STXBP5: variants seen among roughly 807,000 people sequenced by gnomAD.
STXBP5 encodes syntaxin-binding protein 5.
A neutral mutation model predicts 152.4 loss-of-function variants in STXBP5; 50 were observed. That is an observed-to-expected ratio of 0.33 (90% confidence interval 0.26 to 0.42). The LOEUF (loss-of-function observed/expected upper bound fraction) is 0.42, where lower values mean the gene tolerates loss of function less well. STXBP5 is among the 10% of genes least tolerant of loss of function. STXBP5 has a pLI of 1.00. For missense variants in STXBP5, 1,167 were observed against 1,388.6 expected, an observed-to-expected ratio of 0.84 and a Z score of 2.54; for synonymous variants, 492 against 494.7, an observed-to-expected ratio of 0.99 and a Z score of 0.07.
chr6:147,273,664 C>A lies in STXBP5; in HGVS notation c.715-4417C>A, dbSNP rs182280126. Among the ~76,000 whole-genome samples the A allele has an allele frequency of 1.1e-3, 172 of 151,924 alleles. 1 individual carries two copies. Among genetic ancestry groups the A allele is most frequent in the African/African-American group, 4.0e-3 (164 of 41,460 alleles). ...ACCATCAGAAGCCTTTTAAAAAAAACGTTGATGCCGGGCGTGGTGGCTCAC... is the reference window on the plus strand; with the variant it reads ...ACCATCAGAAGCCTTTTAAAAAAAAAGTTGATGCCGGGCGTGGTGGCTCAC... On this transcript the variant is annotated intron_variant, in intron 7 of 27. Coordinates refer to ENST00000321680, the MANE Select transcript of STXBP5 (RefSeq NM_001127715.4).
At chr6:147,213,477 T>TGTGCGCGCGCGCAC in intron 2 of STXBP5, among the ~76,000 whole-genome samples, 4 of 131,278 alleles carry the variant, frequency 3.0e-5, no homozygotes, top group African/African-American at 1.3e-4. Context: ...TGTGTGTGTG[T>TGTGCGCGCGCGCAC]GCGCGCGCAT....
chr6:147,388,496 GTTAAGT>G lies in STXBP5; in HGVS notation c.*3748_*3753del, dbSNP rs561758458. 2.4e-4 allele frequency: 36 copies of G among 151,482 alleles called. No individual in the cohort carries two copies. The South Asian group carries it at 4.4e-3, about 18-fold the overall frequency. The allele number at this position is 151,482 out of a possible 1,614,324, so 9.4% of individuals were successfully genotyped here. A position where few individuals can be genotyped will look rare whatever the true frequency, so the allele number is the denominator to read the frequency against. On this transcript the variant is annotated 3_prime_UTR_variant, in exon 28 of 28. Coordinates refer to ENST00000321680, the MANE Select transcript of STXBP5 (RefSeq NM_001127715.4). ...ACTTTAATTTTAAAATGGTGAACTT[GTTAAGT>G]TTAAGTCAAAGTACTTAAAAAGTAT...
chr6:147,227,323 G>A (rs1013260838), intron 2 of STXBP5, among the ~76,000 whole-genome samples: 16 of 152,134 alleles, frequency 1.1e-4, no homozygotes, highest in South Asian at 2.1e-4. Flanking sequence ...AAGTAGTATA[G>A]TGTAGTGGGG....
intron 25 of STXBP5, among the ~76,000 whole-genome samples, chr6:147,369,107 G>A (rs1025971882): frequency 7.9e-5 from 12 of 151,992 alleles, no homozygotes; most frequent in Non-Finnish European, 1.5e-4. Context: ...GTAATCAGTA[G>A]AGAATGGTAT....
intron 21 of STXBP5, chr6:147,351,893 A>C: frequency 1.0e-6 from 1 of 985,354 alleles, no homozygotes; most frequent in Non-Finnish European, 1.2e-6. Flanking sequence ...ATGGACTAGC[A>C]GGGTCTGTGC....
chr6:147,373,205 A>C (rs893882011), intron 25 of STXBP5, among the ~76,000 whole-genome samples: 1 of 151,850 alleles, frequency 6.6e-6, no homozygotes, highest in African/African-American at 2.4e-5. Flanking sequence ...CTGTCTCTAC[A>C]AAATACAATA....
chr6:147,361,134 C>G lies in STXBP5; in HGVS notation c.2545+1811C>G, dbSNP rs182695149. On this transcript the variant is annotated intron_variant, in intron 23 of 27. Coordinates refer to ENST00000321680, the MANE Select transcript of STXBP5 (RefSeq NM_001127715.4). ...TAAAATAAACTGGAAAGTTGAAAAT[C>G]AAAATGTTAACAGGAGTTATCACTG... Among the ~76,000 whole-genome samples the G allele has an allele frequency of 4.9e-3, 744 of 152,124 alleles. 1 individual carries two copies. Among genetic ancestry groups the G allele is most frequent in the African/African-American group, 0.017 (708 of 41,526 alleles).
intron 21 of STXBP5, among the ~76,000 whole-genome samples, chr6:147,348,087 C>T (rs983531187): frequency 1.3e-5 from 2 of 152,086 alleles, no homozygotes; most frequent in African/African-American, 4.8e-5. Context: ...TTAACAATTG[C>T]TCTCTGAAGT....
At chr6:147,333,036 G>A (rs533809914) in intron 18 of STXBP5, among the ~76,000 whole-genome samples, 1 of 152,168 alleles carries the variant, frequency 6.6e-6, no homozygotes, top group East Asian at 1.9e-4. Flanking sequence ...TACTAGTCAC[G>A]TCATAAAACT....
chr6:147,255,644 A>C (rs1028791150), intron 4 of STXBP5, among the ~76,000 whole-genome samples: 2 of 152,124 alleles, frequency 1.3e-5, no homozygotes, highest in Non-Finnish European at 2.9e-5. Context: ...CAGCCTCCTG[A>C]GTAGCTGGGA....
chr6:147,317,202 G>A (rs940677560), intron 16 of STXBP5, among the ~76,000 whole-genome samples: 1 of 152,124 alleles, frequency 6.6e-6, no homozygotes, highest in Non-Finnish European at 1.5e-5. Flanking sequence ...TTTATTAAAA[G>A]GACCAGGCTT....
intron 19 of STXBP5, among the ~76,000 whole-genome samples, chr6:147,336,597 A>G (rs1230016423): frequency 6.6e-6 from 1 of 152,170 alleles, no homozygotes; most frequent in Non-Finnish European, 1.5e-5. Flanking sequence ...TAATTAAATT[A>G]CAAGCCTCAA....
At chr6:147,294,858 C>G (rs1781441679) in intron 9 of STXBP5, among the ~76,000 whole-genome samples, 1 of 152,030 alleles carries the variant, frequency 6.6e-6, no homozygotes, top group Non-Finnish European at 1.5e-5. Flanking sequence ...ATATATTTGT[C>G]TGTATACTGG....
rs752196215 is a variant in STXBP5, at chr6:147,217,762, A to G, written c.248+11694A>G. 2.0e-5 allele frequency among the ~76,000 whole-genome samples: 3 copies of G among 152,314 alleles called. No individual in the cohort carries two copies. The South Asian group carries it at 6.2e-4, about 32-fold the overall frequency. On this transcript the variant is annotated intron_variant, in intron 2 of 27. Coordinates refer to ENST00000321680, the MANE Select transcript of STXBP5 (RefSeq NM_001127715.4). Reference sequence around the variant, plus strand: ...CTGTTTTGGTGCTTGTTTTATTCACATTAAAACAAAAAAGCAGTTGACCGA... The same window carrying G: ...CTGTTTTGGTGCTTGTTTTATTCACGTTAAAACAAAAAAGCAGTTGACCGA...
intron 6 of STXBP5, among the ~76,000 whole-genome samples, chr6:147,266,322 C>CT (rs752598202): frequency 6.6e-6 from 1 of 152,000 alleles, no homozygotes. Flanking sequence ...TTCTAGAACT[C>CT]TTAACTCTAG....
intron 2 of STXBP5, among the ~76,000 whole-genome samples, chr6:147,223,879 G>T (rs560474934): frequency 6.6e-6 from 1 of 151,968 alleles, no homozygotes; most frequent in South Asian, 2.1e-4. Flanking sequence ...ATATAGAGAG[G>T]ATGTCGTTTT....
chr6:147,372,407 C>CTTTTTTT (rs869251731), intron 25 of STXBP5, among the ~76,000 whole-genome samples: 2 of 74,800 alleles, frequency 2.7e-5, no homozygotes, highest in African/African-American at 6.2e-5. Context: ...CGTCCTTTTC[C>CTTTTTTT]TTTTTTTTTT....
intron 8 of STXBP5, among the ~76,000 whole-genome samples, chr6:147,278,925 T>C (rs934807890): frequency 2.6e-5 from 4 of 152,202 alleles, no homozygotes; most frequent in African/African-American, 4.8e-5. Flanking sequence ...AGGGTTTTTA[T>C]TGGGGTCAGT....
chr6:147,214,697 T>G (rs2115051252), intron 2 of STXBP5, among the ~76,000 whole-genome samples: 1 of 152,334 alleles, frequency 6.6e-6, no homozygotes, highest in Non-Finnish European at 1.5e-5. Context: ...ATTAAATGTC[T>G]AAAAATAGAC....
Sources: gnomAD v4.1 joint callset for allele counts (sites outside exome capture counted in the v4.1 genomes callset) on GRCh38, gnomAD v4.1.1 for gene constraint, MANE v1.5 for transcripts, NCBI Gene and HGNC (gene_info 2026-07-23, HGNC 2026-07-21) for gene names.